Variants in RBFOX1 observed in about 807,000 individuals in gnomAD.
RBFOX1 encodes RNA binding protein fox-1 homolog 1.
RBFOX1 carries 8 observed loss-of-function variants against 57.7 expected under a neutral mutation model. That is an observed-to-expected ratio of 0.14 (90% confidence interval 0.08 to 0.25). The LOEUF (loss-of-function observed/expected upper bound fraction) is 0.25, where lower values mean the gene tolerates loss of function less well. RBFOX1 is among the 10% of genes least tolerant of loss of function. The pLI, the probability that RBFOX1 is intolerant of heterozygous loss-of-function variation, is 1.00. For synonymous variants in RBFOX1, 326 were observed against 222.4 expected (o/e 1.47, Z -4.15); for missense variants, 611 against 548.5 (o/e 1.11, Z -1.14).
chr16:7,452,742 C>G (rs1207296666), intron 4 of RBFOX1, among the ~76,000 whole-genome samples: 1 of 152,152 alleles, frequency 6.6e-6, no homozygotes, highest in Non-Finnish European at 1.5e-5. Context: ...AGTCATAACT[C>G]CTGATCATGG....
intron 2 of RBFOX1, among the ~76,000 whole-genome samples, chr16:6,554,151 A>G (rs578178593): frequency 6.6e-6 from 1 of 152,378 alleles, no homozygotes; most frequent in Admixed American, 6.5e-5. Flanking sequence ...AAAATGGGGC[A>G]CAAGAAACCA....
At chr16:6,825,801 C>G (rs184557677) in intron 3 of RBFOX1, among the ~76,000 whole-genome samples, 1 of 152,254 alleles carries the variant, frequency 6.6e-6, no homozygotes, top group African/African-American at 2.4e-5. Context: ...AGGGTGGAGA[C>G]AGAGGCAGCG....
At chr16:6,916,326 G>GT (rs2073147378) in intron 3 of RBFOX1, among the ~76,000 whole-genome samples, 1 of 152,066 alleles carries the variant, frequency 6.6e-6, no homozygotes, top group Non-Finnish European at 1.5e-5. Flanking sequence ...CAGTTGGGTT[G>GT]TTTTTACCTT....
chr16:6,173,169 C>T (rs1019064456), intron 1 of RBFOX1, among the ~76,000 whole-genome samples: 3 of 152,120 alleles, frequency 2.0e-5, no homozygotes, highest in Non-Finnish European at 2.9e-5. Flanking sequence ...TTGCCATGTA[C>T]GGTAACATAG....
chr16:6,286,912 A>G (rs1209056427), intron 1 of RBFOX1, among the ~76,000 whole-genome samples: 1 of 152,184 alleles, frequency 6.6e-6, no homozygotes, highest in Non-Finnish European at 1.5e-5. Flanking sequence ...CATACATGGC[A>G]ATATTTGCTC....
chr16:6,399,748 A>G (rs547078629), intron 2 of RBFOX1, among the ~76,000 whole-genome samples: 1 of 152,146 alleles, frequency 6.6e-6, no homozygotes, highest in African/African-American at 2.4e-5. Flanking sequence ...CTATGAAGAA[A>G]TACCTGAGAC....
chr16:7,198,093 C>T (rs980389961), intron 4 of RBFOX1, among the ~76,000 whole-genome samples: 7 of 148,760 alleles, frequency 4.7e-5, no homozygotes, highest in Non-Finnish European at 8.9e-5. Context: ...GCAAGCTCCA[C>T]CTCCTGGGTT....
At chr16:7,230,846 G>T (rs946491783) in intron 4 of RBFOX1, among the ~76,000 whole-genome samples, 1 of 152,164 alleles carries the variant, frequency 6.6e-6, no homozygotes, top group South Asian at 2.1e-4. Flanking sequence ...ATACTGCAGA[G>T]GGCAGCTCAT....
intron 1 of RBFOX1, among the ~76,000 whole-genome samples, chr16:5,374,659 T>G (rs548610198): frequency 6.6e-6 from 1 of 151,954 alleles, no homozygotes; most frequent in South Asian, 2.1e-4. Flanking sequence ...TTGAACATGT[T>G]TTAACACAGA....
At chr16:5,454,854 T>TTTCTTTCTTTTCTTTC (rs1555524090) in intron 1 of RBFOX1, among the ~76,000 whole-genome samples, 1 of 67,474 alleles carries the variant, frequency 1.5e-5, no homozygotes, top group Non-Finnish European at 2.9e-5. Flanking sequence ...TCTTTCTTTC[T>TTTCTTTCTTTTCTTTC]TTTCTTTCTT....
intron 2 of RBFOX1, among the ~76,000 whole-genome samples, chr16:6,490,955 G>A (rs952863409): frequency 2.0e-5 from 3 of 152,066 alleles, no homozygotes; most frequent in African/African-American, 7.2e-5. Flanking sequence ...TCATCTAAGT[G>A]TTGGTTCAGG....
chr16:6,797,355 A>C (rs1235239229), intron 3 of RBFOX1, among the ~76,000 whole-genome samples: 1 of 152,150 alleles, frequency 6.6e-6, no homozygotes, highest in South Asian at 2.1e-4. Context: ...ATCATTATGA[A>C]GCAGAGAGTG....
chr16:7,552,543 T>C (rs1209969196), intron 5 of RBFOX1, among the ~76,000 whole-genome samples: 5 of 152,236 alleles, frequency 3.3e-5, no homozygotes, highest in Non-Finnish European at 7.3e-5. Flanking sequence ...AGGCGAGATC[T>C]GAACTGAACC....
At chr16:6,646,681 G>C (rs1310484162) in intron 2 of RBFOX1, among the ~76,000 whole-genome samples, 1 of 152,100 alleles carries the variant, frequency 6.6e-6, no homozygotes, top group Non-Finnish European at 1.5e-5. Context: ...ACAGAGAGCT[G>C]CTTTTCCTCA....
At chr16:6,230,421 T>C (rs2097450331) in intron 1 of RBFOX1, among the ~76,000 whole-genome samples, 1 of 152,200 alleles carries the variant, frequency 6.6e-6, no homozygotes, top group Non-Finnish European at 1.5e-5. Flanking sequence ...GCTATTATTC[T>C]GTGGAGTGCT....
At chr16:5,899,844 C>T (rs1442992335) in intron 4 of RBFOX1, among the ~76,000 whole-genome samples, 1 of 152,180 alleles carries the variant, frequency 6.6e-6, no homozygotes, top group African/African-American at 2.4e-5. Flanking sequence ...GAGACTGAGG[C>T]AGGTGGATCA....
intron 4 of RBFOX1, among the ~76,000 whole-genome samples, chr16:7,055,916 T>C (rs996737868): frequency 6.6e-6 from 1 of 152,208 alleles, no homozygotes; most frequent in African/African-American, 2.4e-5. Context: ...ACTTTGTGAA[T>C]TCTGGTTTGT....
intron 1 of RBFOX1, among the ~76,000 whole-genome samples, chr16:6,161,962 C>G (rs558034754): frequency 6.6e-6 from 1 of 152,346 alleles, no homozygotes; most frequent in South Asian, 2.1e-4. Flanking sequence ...CTCAGTCCTT[C>G]ACAGCCAACT....
At chr16:5,354,197 C>T (rs1483731353) in intron 1 of RBFOX1, among the ~76,000 whole-genome samples, 2 of 152,184 alleles carry the variant, frequency 1.3e-5, no homozygotes, top group African/African-American at 4.8e-5. Flanking sequence ...TCCTGTCGGC[C>T]TTGGCTGATG....
Sources: gnomAD v4.1 joint callset for allele counts (sites outside exome capture counted in the v4.1 genomes callset) on GRCh38, gnomAD v4.1.1 for gene constraint, MANE v1.5 for transcripts, NCBI Gene and HGNC (gene_info 2026-07-23, HGNC 2026-07-21) for gene names.